ANKDD1B: variants seen among roughly 807,000 people sequenced by gnomAD.
The protein encoded by ANKDD1B is ankyrin repeat and death domain containing 1B, also known as ankyrin repeat and death domain-containing protein 1B.
ANKDD1B carries 57 observed loss-of-function variants against 59.7 expected under a neutral mutation model. That is an observed-to-expected ratio of 0.95 (90% CI 0.77 to 1.19). The LOEUF (loss-of-function observed/expected upper bound fraction) is 1.19. ANKDD1B is among the 50% of genes most tolerant of loss of function. The pLI is 0.00. For missense variants in ANKDD1B, 602 were observed against 641.9 expected (o/e 0.94, Z 0.67); for synonymous variants, 216 against 239.5 (o/e 0.90, Z 0.91).
At chr5:75,638,033 C>T (rs987195599) in intron 7 of ANKDD1B, among the ~76,000 whole-genome samples, 1 of 152,188 alleles carries the variant, frequency 6.6e-6, no homozygotes, top group African/African-American at 2.4e-5. Context: ...TAAAGGCCAC[C>T]TCTTAATCTT....
In ANKDD1B at chr5:75,671,033, T is replaced by C. The variant is rs1204917923; in HGVS notation, c.1580T>C (p.Val527Ala). Residue 527 changes from valine (V) to alanine (A), a missense_variant, in exon 14 of 14, where the codon GTT (valine) becomes GCT (alanine). This residue lies in a region of ANKDD1B where 280 missense variants were observed against 319.8 expected (regional missense o/e 0.88). Coordinates refer to ENST00000601380, the MANE Select transcript of ANKDD1B (RefSeq NM_001276713.2). ...GACTCAAACTCCAAGAAATGTGTAG[T>C]TTCATAAATGCCTAAAGAAATTGTA... is the stretch of plus-strand genomic sequence containing the variant. ...KTDSNSKKCV[V>A]S 2 of 1,224,248 alleles carry C rather than the reference T, an allele frequency of 1.6e-6. No individual in the cohort carries two copies. Among genetic ancestry groups the C allele is most frequent in the Admixed American group, 4.2e-5 (1 of 23,684 alleles). 75.8% of individuals were successfully genotyped at this position (1,224,248 alleles called of 1,614,324 possible). A position where few individuals can be genotyped will look rare whatever the true frequency, so the allele number is the denominator to read the frequency against.
chr5:75,620,415 T>G lies in ANKDD1B; in HGVS notation c.396+2T>G. The G allele has an allele frequency of 6.6e-7, 1 of 1,511,298 alleles. No individual in the cohort carries two copies. The highest frequency in any genetic ancestry group is 8.9e-7 in the Non-Finnish European group (1 of 1,125,010). 93.6% of individuals were successfully genotyped at this position (1,511,298 alleles called of 1,614,324 possible). On this transcript the variant is annotated splice_donor_variant, in intron 3 of 13. Transcript: ENST00000601380. LOFTEE classifies it high-confidence loss of function. ...GCCAGGGTGGATGTTGCTGATAAGG[T>G]AAGCTCATCTTGAGTAGAACAAGTT... is the stretch of plus-strand genomic sequence containing the variant.
chr5:75,649,718 A>C (rs1474215590), intron 7 of ANKDD1B, among the ~76,000 whole-genome samples: 1 of 152,238 alleles, frequency 6.6e-6, no homozygotes, highest in East Asian at 1.9e-4. Flanking sequence ...TTGATCAGCC[A>C]TTAGAAAGTA....
chr5:75,613,126 G>A (rs1773615260), intron 1 of ANKDD1B, among the ~76,000 whole-genome samples: 1 of 152,176 alleles, frequency 6.6e-6, no homozygotes, highest in Non-Finnish European at 1.5e-5. Context: ...AGCAGTTTCA[G>A]TAGAGGGGTG....
At position 75,644,990 on chromosome 5, in the gene ANKDD1B, G is replaced by T. The variant is rs999511327; in HGVS notation, c.799-8152G>T. ...CATGGAAACTGAACAACCTGCTCCT[G>T]AATGACTATTGGGTACATAATGAAA... On this transcript the variant is annotated intron_variant, in intron 7 of 13. Transcript: ENST00000601380. Among the ~76,000 whole-genome samples, 40 of 133,438 alleles carry T rather than the reference G, an allele frequency of 3.0e-4. 2 individuals are homozygous for T. The highest frequency in any genetic ancestry group is 1.0e-3 in the Admixed American group (15 of 14,520). The allele number at this position is 133,438 out of a possible 152,430, so 87.5% of individuals were successfully genotyped here. A position where few individuals can be genotyped will look rare whatever the true frequency, so the allele number is the denominator to read the frequency against.
intron 7 of ANKDD1B, among the ~76,000 whole-genome samples, chr5:75,643,623 G>T (rs1289699726): frequency 4.3e-5 from 2 of 46,298 alleles, no homozygotes; most frequent in Non-Finnish European, 7.0e-5. Context: ...ACGTCGGATT[G>T]GTGTACCTGA....
At chr5:75,660,611 G>C (rs1579975150) in intron 10 of ANKDD1B, among the ~76,000 whole-genome samples, 1 of 152,208 alleles carries the variant, frequency 6.6e-6, no homozygotes, top group South Asian at 2.1e-4. Context: ...CCTCCGGAGG[G>C]TTGTCAGAGA....
chr5:75,642,360 C>A (rs1419358780), intron 7 of ANKDD1B, among the ~76,000 whole-genome samples: 3 of 150,954 alleles, frequency 2.0e-5, no homozygotes, highest in Non-Finnish European at 4.4e-5. Flanking sequence ...TAGGGAGTGC[C>A]AGACAGTGGG....
At chr5:75,660,893 T>C (rs903881370) in intron 10 of ANKDD1B, among the ~76,000 whole-genome samples, 5 of 152,170 alleles carry the variant, frequency 3.3e-5, no homozygotes, top group Admixed American at 6.5e-5. Flanking sequence ...CTTCCGAAAC[T>C]TGCAGTTTTC....
At chr5:75,641,651 C>T (rs1217849225) in intron 7 of ANKDD1B, among the ~76,000 whole-genome samples, 1 of 152,098 alleles carries the variant, frequency 6.6e-6, no homozygotes, top group Non-Finnish European at 1.5e-5. Flanking sequence ...TCTTTATATC[C>T]ACACAATATA....
intron 3 of ANKDD1B, among the ~76,000 whole-genome samples, chr5:75,624,636 C>A (rs1284353375): frequency 6.6e-6 from 1 of 152,086 alleles, no homozygotes; most frequent in Non-Finnish European, 1.5e-5. Context: ...CTCTTTATAA[C>A]TTGTGTTTTT....
Position 75,639,642 on chromosome 5 carries a change from A to G in ANKDD1B, c.798+3760A>G, listed in dbSNP as rs576352378. ...CATGATTGTTTATACCTAATTAGCT[A>G]TGAGTAAAGCCTTCTGAATTTATCT... On this transcript the variant is annotated intron_variant, in intron 7 of 13. Transcript: ENST00000601380. Among the ~76,000 whole-genome samples the G allele has an allele frequency of 7.7e-4, 118 of 152,342 alleles. 1 individual carries two copies. The highest frequency in any genetic ancestry group is 1.0e-3 in the Non-Finnish European group (71 of 68,018).
At chr5:75,661,899 ATTTTTTT>A (rs35120763) in intron 10 of ANKDD1B, among the ~76,000 whole-genome samples, 1,639 of 92,872 alleles carry the variant, frequency 0.018, 40 homozygotes, top group African/African-American at 0.064. Flanking sequence ...GGCTCCCACA[ATTTTTTT>A]TTTTTTTTTT....
chr5:75,613,787 C>T (rs1404520704), intron 1 of ANKDD1B, among the ~76,000 whole-genome samples: 1 of 152,082 alleles, frequency 6.6e-6, no homozygotes, highest in Non-Finnish European at 1.5e-5. Context: ...TAAGCTTTTC[C>T]TGCAGCAATA....
At chr5:75,639,766 A>G (rs76851890) in intron 7 of ANKDD1B, among the ~76,000 whole-genome samples, 1,913 of 152,332 alleles carry the variant, frequency 0.013, 41 homozygotes, top group African/African-American at 0.039. Flanking sequence ...GAAATTCTAC[A>G]TGAGGAAAGG....
chr5:75,648,899 C>T (rs1291206460), intron 7 of ANKDD1B, among the ~76,000 whole-genome samples: 2 of 152,184 alleles, frequency 1.3e-5, no homozygotes, highest in African/African-American at 4.8e-5. Context: ...CAGGAGATTG[C>T]TTTTGTGCTC....
intron 3 of ANKDD1B, 60 bp from the exon 4 acceptor site, chr5:75,625,587 C>T: frequency 7.8e-7 from 1 of 1,287,370 alleles, no homozygotes; most frequent in Non-Finnish European, 1.1e-6. Context: ...GTTGATGAGG[C>T]AGTATATGGC....
chr5:75,623,155 C>T (rs991116374), intron 3 of ANKDD1B, among the ~76,000 whole-genome samples: 1 of 151,980 alleles, frequency 6.6e-6, no homozygotes, highest in African/African-American at 2.4e-5. Context: ...CTTGGCTTGC[C>T]GCAACCTCCT....
chr5:75,667,818 T>C (rs1013313283), intron 12 of ANKDD1B, among the ~76,000 whole-genome samples: 3 of 152,278 alleles, frequency 2.0e-5, no homozygotes, highest in East Asian at 3.9e-4. Flanking sequence ...AGGGGTCTAT[T>C]TGTATTAGGG....
Sources: gnomAD v4.1 joint callset for allele counts (sites outside exome capture counted in the v4.1 genomes callset) on GRCh38, gnomAD v4.1.1 for gene constraint, gnomAD v4.1.1 regional missense constraint, MANE v1.5 for transcripts, NCBI Gene and HGNC (gene_info 2026-07-23, HGNC 2026-07-21) for gene names.